The following PTPRZ1 variants were observed in gnomAD, a reference collection of about 807,000 sequenced individuals.
The protein encoded by PTPRZ1 is protein tyrosine phosphatase receptor type Z1.
A neutral mutation model predicts 214.1 loss-of-function variants in PTPRZ1; 82 were observed. The ratio of observed to expected loss-of-function variants is 0.38; its 90% CI spans 0.32 to 0.46. The LOEUF is 0.46. Ranked by LOEUF, PTPRZ1 falls within the 20% of genes least tolerant of loss-of-function variation. The pLI is 1.00. For missense variants in PTPRZ1, 2,603 were observed against 2,748.7 expected, an observed-to-expected ratio of 0.95 and a Z score of 1.19; for synonymous variants, 945 against 987.9, an observed-to-expected ratio of 0.96 and a Z score of 0.81.
chr7:122,017,255 C>T (rs1798869838), intron 12 of PTPRZ1, among the ~76,000 whole-genome samples: 1 of 152,048 alleles, frequency 6.6e-6, no homozygotes, highest in South Asian at 2.1e-4. Context: ...ATTGCATTCA[C>T]CATCAGGTTA....
At chr7:121,964,707 G>C (rs890787221) in intron 2 of PTPRZ1, among the ~76,000 whole-genome samples, 2 of 152,160 alleles carry the variant, frequency 1.3e-5, no homozygotes, top group African/African-American at 4.8e-5. Context: ...GAGTTACCAA[G>C]GGAGGAAGTA....
intron 12 of PTPRZ1, among the ~76,000 whole-genome samples, 166 bp from the exon 13 acceptor site, chr7:122,018,958 C>T (rs911068629): frequency 1.3e-5 from 2 of 152,128 alleles, no homozygotes; most frequent in African/African-American, 4.8e-5. Context: ...ACATTTTAAA[C>T]TTTGTTTTAA....
At chr7:121,901,032 A>T (rs1024583644) in intron 1 of PTPRZ1, among the ~76,000 whole-genome samples, 2 of 152,162 alleles carry the variant, frequency 1.3e-5, no homozygotes, top group African/African-American at 4.8e-5. Flanking sequence ...GTGAGCTTGG[A>T]TTAGTGTGTC....
intron 2 of PTPRZ1, among the ~76,000 whole-genome samples, chr7:121,956,361 C>T (rs937295655): frequency 2.0e-5 from 3 of 152,172 alleles, no homozygotes; most frequent in African/African-American, 7.2e-5. Context: ...TATACAACAA[C>T]TTTCAAAAAT....
intron 2 of PTPRZ1, among the ~76,000 whole-genome samples, chr7:121,961,892 T>G (rs933195140): frequency 6.6e-5 from 10 of 152,228 alleles, no homozygotes; most frequent in African/African-American, 2.4e-4. Context: ...AATATGTAAA[T>G]GAATAACTTA....
chr7:122,061,361 A>G lies in PTPRZ1; in HGVS notation c.*141A>G, dbSNP rs527721458. On this transcript the variant is annotated 3_prime_UTR_variant, in exon 30 of 30. Transcript: ENST00000393386. ...TTCATGACATAGGATTCTGCCGCCAAATTTATATCATTAACAATGTGTGCC... is the reference window on the plus strand; with the variant it reads ...TTCATGACATAGGATTCTGCCGCCAGATTTATATCATTAACAATGTGTGCC... The G allele has an allele frequency of 1.0e-5, 7 of 682,078 alleles. No individual in the cohort carries two copies. The East Asian group carries it at 2.0e-4, about 19-fold the overall frequency. 42.3% of individuals were successfully genotyped at this position (682,078 alleles called of 1,614,324 possible).
intron 25 of PTPRZ1, among the ~76,000 whole-genome samples, chr7:122,053,666 A>T (rs1018861369): frequency 6.6e-6 from 1 of 152,184 alleles, no homozygotes; most frequent in Non-Finnish European, 1.5e-5. Flanking sequence ...TGGGGGTCAC[A>T]GTTCCTATCT....
chr7:121,874,268 AC>A (rs1421232572), intron 1 of PTPRZ1, among the ~76,000 whole-genome samples: 11 of 152,176 alleles, frequency 7.2e-5, no homozygotes, highest in Non-Finnish European at 1.5e-4. Context: ...TTTCATCTGC[AC>A]CCTCCAGGTT....
chr7:122,049,712 C>CGTAAG (rs1792110218), intron 23 of PTPRZ1, among the ~76,000 whole-genome samples: 1 of 152,114 alleles, frequency 6.6e-6, no homozygotes, highest in Non-Finnish European at 1.5e-5. Context: ...CTTCTCCTTA[C>CGTAAG]ATTGACTATA....
intron 28 of PTPRZ1, chr7:122,059,440 G>T: frequency 5.0e-6 from 1 of 198,238 alleles, no homozygotes; most frequent in Non-Finnish European, 1.0e-5. Context: ...TATATTATAT[G>T]TGTATTATAC....
chr7:121,979,287 G>A (rs1175528361), intron 6 of PTPRZ1, among the ~76,000 whole-genome samples: 1 of 151,978 alleles, frequency 6.6e-6, no homozygotes, highest in African/African-American at 2.4e-5. Context: ...AGAGCATGAT[G>A]TTGCAGCAAT....
rs1449878846 is a variant in PTPRZ1 at position 121,873,351 on chromosome 7, AAC to A, written c.-143_-142del. Reference sequence around the variant, plus strand: ...TCTCACACACACACACACACACACAAACACACATACGCACGCACGATCTCACT... The same window carrying A: ...TCTCACACACACACACACACACACAAACACATACGCACGCACGATCTCACT... On this transcript the variant is annotated 5_prime_UTR_variant, in exon 1 of 30. Coordinates refer to ENST00000393386, the MANE Select transcript of PTPRZ1 (RefSeq NM_002851.3). The A allele has an allele frequency of 1.6e-6, 1 of 615,460 alleles. No individual in the cohort carries two copies. Among genetic ancestry groups the A allele is most frequent in the Admixed American group, 2.6e-5 (1 of 38,286 alleles). The allele number at this position is 615,460 out of a possible 1,614,324, so 38.1% of individuals were successfully genotyped here. A position where few individuals can be genotyped will look rare whatever the true frequency, so the allele number is the denominator to read the frequency against.
intron 2 of PTPRZ1, among the ~76,000 whole-genome samples, chr7:121,935,642 G>A (rs1391107395): frequency 6.6e-6 from 1 of 152,058 alleles, no homozygotes; most frequent in Non-Finnish European, 1.5e-5. Flanking sequence ...TCGGCTTGCT[G>A]CTGCAATCTC....
chr7:121,994,042 AAG>A (rs1025233200), intron 8 of PTPRZ1, among the ~76,000 whole-genome samples: 2 of 152,176 alleles, frequency 1.3e-5, no homozygotes, highest in Non-Finnish European at 2.9e-5. Context: ...GAGGAGAACA[AAG>A]AAGTGAAAAC....
intron 13 of PTPRZ1, among the ~76,000 whole-genome samples, chr7:122,022,037 A>G (rs1431069363): frequency 6.6e-6 from 1 of 152,222 alleles, no homozygotes; most frequent in Non-Finnish European, 1.5e-5. Flanking sequence ...TAGCCAATAT[A>G]TAAACATTTT....
chr7:121,960,125 G>A (rs1056219849), intron 2 of PTPRZ1, among the ~76,000 whole-genome samples: 1 of 152,112 alleles, frequency 6.6e-6, no homozygotes, highest in East Asian at 1.9e-4. Context: ...TGCAACCTCC[G>A]CCTCCCAGGT....
chr7:122,000,628 T>A (rs1798287171), intron 10 of PTPRZ1, among the ~76,000 whole-genome samples: 1 of 133,968 alleles, frequency 7.5e-6, no homozygotes, highest in Non-Finnish European at 1.6e-5. Context: ...ATAATTGCTG[T>A]CATTCTTTGA....
intron 11 of PTPRZ1, among the ~76,000 whole-genome samples, chr7:122,005,354 A>T (rs2116637497): frequency 6.6e-6 from 1 of 152,066 alleles, no homozygotes; most frequent in South Asian, 2.1e-4. Flanking sequence ...TTATATATTC[A>T]GTTCAGGTGC....
intron 2 of PTPRZ1, among the ~76,000 whole-genome samples, chr7:121,965,998 T>A (rs1325496275): frequency 6.6e-6 from 1 of 152,112 alleles, no homozygotes; most frequent in Non-Finnish European, 1.5e-5. Flanking sequence ...AGGCAAATGA[T>A]GACAGTGACT....
Sources: allele counts gnomAD v4.1 joint callset (sites outside exome capture counted in the v4.1 genomes callset), GRCh38; gene constraint gnomAD v4.1.1; transcripts MANE v1.5; gene names NCBI Gene and HGNC (gene_info 2026-07-23, HGNC 2026-07-21).